The following TAS2R1 variants were observed in gnomAD, a reference collection of about 807,000 sequenced individuals.
TAS2R1 encodes taste 2 receptor member 1.
For missense variants in TAS2R1, 370 were observed against 353.4 expected (o/e 1.05, Z -0.38); for synonymous variants, 141 against 134.2 (o/e 1.05, Z -0.35).
At chr5:9,836,871 A>C in the TAS2R1 span, among the ~76,000 whole-genome samples, 6 of 152,222 alleles carry the variant, frequency 3.9e-5, no homozygotes, top group African/African-American at 1.4e-4. Flanking sequence ...AAAACCAAGA[A>C]ACATGCATGA....
At chr5:9,675,054 A>C (rs984826804) in intron 1 of TAS2R1, among the ~76,000 whole-genome samples, 6 of 151,038 alleles carry the variant, frequency 4.0e-5, no homozygotes, top group Non-Finnish European at 8.9e-5. Flanking sequence ...AACAATTGAA[A>C]TTTGATATTA....
At chr5:9,641,097 G>C (rs575658411) in intron 2 of TAS2R1, among the ~76,000 whole-genome samples, 3 of 152,130 alleles carry the variant, frequency 2.0e-5, no homozygotes, top group Admixed American at 6.5e-5. Context: ...TTCACATCCT[G>C]AGTCTAGGAT....
chr5:9,661,524 C>T (rs1312784299), intron 1 of TAS2R1, among the ~76,000 whole-genome samples: 1 of 152,212 alleles, frequency 6.6e-6, no homozygotes, highest in Non-Finnish European at 1.5e-5. Flanking sequence ...AACATAGATA[C>T]TGATCTTCCA....
the TAS2R1 span, among the ~76,000 whole-genome samples, chr5:9,734,005 A>C: frequency 6.6e-6 from 1 of 152,140 alleles, no homozygotes; most frequent in East Asian, 1.9e-4. Flanking sequence ...TGGATGTTGG[A>C]ACCTAATCTT....
the TAS2R1 span, among the ~76,000 whole-genome samples, chr5:9,718,255 C>T: frequency 2.0e-5 from 3 of 151,414 alleles, no homozygotes; most frequent in Non-Finnish European, 1.5e-5. Flanking sequence ...AGGCGTGAGC[C>T]ACTGCGCCCA....
chr5:9,863,336 T>A, the TAS2R1 span, among the ~76,000 whole-genome samples: 3,299 of 150,386 alleles, frequency 0.022, 108 homozygotes, highest in African/African-American at 0.074. Flanking sequence ...AGCGTGATGA[T>A]CTCGGCTCAC....
chr5:9,773,896 T>G, the TAS2R1 span, among the ~76,000 whole-genome samples: 3 of 152,198 alleles, frequency 2.0e-5, no homozygotes, highest in Non-Finnish European at 4.4e-5. Context: ...TGATGTAGTC[T>G]TCTTTGGGTT....
chr5:9,634,898 C>G (rs1442320186), upstream of TAS2R1, among the ~76,000 whole-genome samples: 1 of 151,976 alleles, frequency 6.6e-6, no homozygotes, highest in Non-Finnish European at 1.5e-5. Context: ...TGAACAACAA[C>G]AGTTTGACTT....
At chr5:9,675,521 A>G (rs1740858735) in intron 1 of TAS2R1, among the ~76,000 whole-genome samples, 1 of 148,366 alleles carries the variant, frequency 6.7e-6, no homozygotes, top group Admixed American at 6.9e-5. Flanking sequence ...GGTTCAAGTG[A>G]TTCTCCTGCC....
At chr5:9,634,857 G>C (rs1323648351), upstream of TAS2R1, among the ~76,000 whole-genome samples, 2 of 151,934 alleles carry the variant, frequency 1.3e-5, no homozygotes, top group Admixed American at 1.3e-4. Context: ...TATGTCTTTA[G>C]GGTTTTCTAG....
the TAS2R1 span, among the ~76,000 whole-genome samples, chr5:9,744,558 C>A: frequency 6.6e-6 from 1 of 151,786 alleles, no homozygotes; most frequent in African/African-American, 2.4e-5. Flanking sequence ...TTATTCATGA[C>A]AAACTTGTAT....
At chr5:9,856,423 G>A in the TAS2R1 span, among the ~76,000 whole-genome samples, 1 of 152,188 alleles carries the variant, frequency 6.6e-6, no homozygotes, top group Non-Finnish European at 1.5e-5. Flanking sequence ...TGGTTATAGT[G>A]CTACACATAA....
chr5:9,850,345 T>A, the TAS2R1 span, among the ~76,000 whole-genome samples: 1 of 152,242 alleles, frequency 6.6e-6, no homozygotes. Context: ...ACAGAACACA[T>A]GACTTTCAAT....
chr5:9,691,908 G>A (rs1214001077), intron 1 of TAS2R1, among the ~76,000 whole-genome samples: 2 of 152,172 alleles, frequency 1.3e-5, no homozygotes, highest in African/African-American at 4.8e-5. Context: ...ATAATTTCCA[G>A]AAGGATAAAA....
intron 1 of TAS2R1, among the ~76,000 whole-genome samples, chr5:9,669,622 C>A (rs750586341): frequency 1.3e-5 from 2 of 152,114 alleles, no homozygotes; most frequent in African/African-American, 2.4e-5. Flanking sequence ...GAAACCCATA[C>A]AATTACATGG....
intron 1 of TAS2R1, among the ~76,000 whole-genome samples, chr5:9,664,242 T>G (rs1007047098): frequency 6.6e-6 from 1 of 152,202 alleles, no homozygotes; most frequent in African/African-American, 2.4e-5. Context: ...TAGAATTCAT[T>G]TCACCGTCTA....
chr5:9,727,617 T>C, the TAS2R1 span, among the ~76,000 whole-genome samples: 73,228 of 152,020 alleles, frequency 0.48, 20,246 homozygotes, highest in African/African-American at 0.77. Flanking sequence ...AAGATATAGG[T>C]GGCCTCTGAG....
chr5:9,853,043 G>A, the TAS2R1 span, among the ~76,000 whole-genome samples: 1 of 152,106 alleles, frequency 6.6e-6, no homozygotes, highest in Non-Finnish European at 1.5e-5. Context: ...TGGGGAGGTA[G>A]GATATGCAGG....
At chr5:9,822,875 A>G in the TAS2R1 span, among the ~76,000 whole-genome samples, 14 of 152,092 alleles carry the variant, frequency 9.2e-5, no homozygotes, top group Admixed American at 1.3e-4. Flanking sequence ...ACAATAAAAA[A>G]CAGTAATAGC....
Sources: gnomAD v4.1 joint callset for allele counts (sites outside exome capture counted in the v4.1 genomes callset) on GRCh38, gnomAD v4.1.1 for gene constraint, MANE v1.5 for transcripts, NCBI Gene and HGNC (gene_info 2026-07-23, HGNC 2026-07-21) for gene names.